Variants in COG6 observed in about 807,000 individuals in gnomAD.
COG6 encodes component of oligomeric golgi complex 6.
A neutral mutation model predicts 88.8 loss-of-function variants in COG6; 74 were observed. The ratio of observed to expected loss-of-function variants is 0.83; its 90% CI spans 0.69 to 1.01. The LOEUF (loss-of-function observed/expected upper bound fraction) is 1.01, where lower values mean the gene tolerates loss of function less well. Among genes scored for constraint, COG6 ranks in the 50% least tolerant of loss-of-function variants. COG6 has a pLI of 0.00. For synonymous variants in COG6, 286 were observed against 278.7 expected, an observed-to-expected ratio of 1.03 and a Z score of -0.26; for missense variants, 800 against 797.9, an observed-to-expected ratio of 1.00 and a Z score of -0.03.
At chr13:39,701,057 G>T (rs1877551160) in intron 13 of COG6, among the ~76,000 whole-genome samples, 1 of 151,848 alleles carries the variant, frequency 6.6e-6, no homozygotes, top group South Asian at 2.1e-4. Context: ...GGGAGGCTAG[G>T]TTGGAAATAG....
chr13:39,685,053 T>G (rs1876559466), intron 8 of COG6, among the ~76,000 whole-genome samples: 1 of 152,214 alleles, frequency 6.6e-6, no homozygotes, highest in Non-Finnish European at 1.5e-5. Flanking sequence ...TATGTATTTG[T>G]TGTGTTTCAA....
chr13:39,722,993 C>T (rs1878930573), intron 15 of COG6, among the ~76,000 whole-genome samples: 1 of 152,072 alleles, frequency 6.6e-6, no homozygotes, highest in African/African-American at 2.4e-5. Flanking sequence ...TCAGGAACAT[C>T]AGGCCCTTAT....
intron 4 of COG6, among the ~76,000 whole-genome samples, chr13:39,674,226 G>A (rs1338381662): frequency 1.1e-4 from 11 of 97,684 alleles, no homozygotes; most frequent in Non-Finnish European, 2.0e-4. Flanking sequence ...CCTACCCCAC[G>A]ACAGGCCCCG....
chr13:39,778,078 T>C (rs973929037), intron 18 of COG6, among the ~76,000 whole-genome samples: 1 of 152,228 alleles, frequency 6.6e-6, no homozygotes, highest in Non-Finnish European at 1.5e-5. Flanking sequence ...GTGCAGAAGT[T>C]ATCCTGTCTA....
chr13:39,738,657 A>C (rs2138118326), intron 18 of COG6, among the ~76,000 whole-genome samples: 1 of 152,316 alleles, frequency 6.6e-6, no homozygotes, highest in South Asian at 2.1e-4. Context: ...ATCTATAAAA[A>C]GTCCATTTTA....
chr13:39,667,064 G>C (rs1875318230), intron 4 of COG6, among the ~76,000 whole-genome samples: 1 of 152,098 alleles, frequency 6.6e-6, no homozygotes, highest in African/African-American at 2.4e-5. Flanking sequence ...ATTTTAGTGA[G>C]AGCAGTTTCA....
chr13:39,688,133 A>G (rs1209742696), intron 10 of COG6, among the ~76,000 whole-genome samples: 1 of 152,172 alleles, frequency 6.6e-6, no homozygotes, highest in Non-Finnish European at 1.5e-5. Context: ...TTAAAGGTAC[A>G]GGGTGATATT....
At chr13:39,725,890 C>A (rs181228367) in intron 17 of COG6, among the ~76,000 whole-genome samples, 24 of 152,032 alleles carry the variant, frequency 1.6e-4, no homozygotes, top group African/African-American at 5.8e-4. Context: ...TCTATGCTCA[C>A]ACTTAGATCT....
intron 13 of COG6, among the ~76,000 whole-genome samples, chr13:39,706,232 C>T (rs1877891824): frequency 3.9e-5 from 2 of 51,662 alleles, no homozygotes; most frequent in South Asian, 1.0e-3. Flanking sequence ...TATATATACT[C>T]CTTTATATAT....
At chr13:39,661,911 G>A (rs1874919252) in intron 3 of COG6, among the ~76,000 whole-genome samples, 1 of 150,730 alleles carries the variant, frequency 6.6e-6, no homozygotes, top group Non-Finnish European at 1.5e-5. Context: ...TTGTACTTTT[G>A]TGTTTTTTAA....
At chr13:39,670,891 A>G (rs918217052) in intron 4 of COG6, among the ~76,000 whole-genome samples, 2 of 152,110 alleles carry the variant, frequency 1.3e-5, no homozygotes, top group African/African-American at 4.8e-5. Flanking sequence ...AATTGGTAGC[A>G]TAAAAATATA....
intron 5 of COG6, chr13:39,678,294 A>AC (rs1876097292): frequency 3.3e-6 from 1 of 301,842 alleles, no homozygotes; most frequent in Non-Finnish European, 6.4e-6. Context: ...GGCTGGTCTT[A>AC]AACTCCTGAG....
Position 39,660,900 on chromosome 13 carries a change from AT to A in COG6, c.369+23del. 1 of 1,455,982 alleles carries A rather than the reference AT, an allele frequency of 6.9e-7. No homozygotes were observed. The highest frequency in any genetic ancestry group is 9.6e-7 in the Non-Finnish European group (1 of 1,038,164). 90.2% of individuals were successfully genotyped at this position (1,455,982 alleles called of 1,614,324 possible). A position where few individuals can be genotyped will look rare whatever the true frequency, so the allele number is the denominator to read the frequency against. On this transcript the variant is annotated intron_variant, in intron 3 of 18. Transcript: ENST00000455146. ...CCTACAGGTATTATATAATGGCTAG[AT>A]TTTGGCATAGTTCCTGATATAAACT...
chr13:39,687,919 C>A, intron 10 of COG6, 120 bp downstream of exon 10: 1 of 727,682 alleles, frequency 1.4e-6, no homozygotes, highest in Non-Finnish European at 2.4e-6. Context: ...CAATAAGCAT[C>A]CTGATTACTC....
At chr13:39,755,802 T>G (rs556827574), downstream of COG6, among the ~76,000 whole-genome samples, 153 of 152,354 alleles carry the variant, frequency 1.0e-3, no homozygotes, top group African/African-American at 3.5e-3. Context: ...AGCAATTTTT[T>G]GGTTTAGGCA....
chr13:39,789,911 C>G (rs947360738), exon 19 of COG6: 1 of 151,884 alleles, frequency 6.6e-6, no homozygotes, highest in Non-Finnish European at 1.5e-5. Flanking sequence ...TTTGTGGCAC[C>G]AAAACTATTT....
chr13:39,671,640 C>T (rs547690250), intron 4 of COG6, among the ~76,000 whole-genome samples: 3 of 151,990 alleles, frequency 2.0e-5, no homozygotes, highest in African/African-American at 7.2e-5. Context: ...TTTAGGCTAT[C>T]ATGTATGTGT....
intron 1 of COG6, 155 bp downstream of exon 1, chr13:39,656,034 C>T: frequency 2.0e-6 from 2 of 996,582 alleles, no homozygotes; most frequent in Non-Finnish European, 3.1e-6. Flanking sequence ...GCTCTGCGGG[C>T]GCCGGGGGCG....
rs547571492 is a variant in COG6, at chr13:39,746,239, A to G, written c.1827-4707A>G. Among the ~76,000 whole-genome samples, 14 of 152,200 alleles carry G rather than the reference A, an allele frequency of 9.2e-5. No homozygotes were observed. In the South Asian group the frequency reaches 1.5e-3, roughly 16 times the overall value. ...CTAGAACTTAAAGTATCATTAAAAAAAAAAAAAGTTACTTCCCCCTTTCAA... is the reference window on the plus strand; with the variant it reads ...CTAGAACTTAAAGTATCATTAAAAAGAAAAAAAGTTACTTCCCCCTTTCAA... On this transcript the variant is annotated intron_variant, in intron 18 of 18. Coordinates refer to ENST00000455146, the MANE Select transcript of COG6 (RefSeq NM_020751.3).
Sources: gnomAD v4.1 joint callset for allele counts (sites outside exome capture counted in the v4.1 genomes callset) on GRCh38, gnomAD v4.1.1 for gene constraint, MANE v1.5 for transcripts, NCBI Gene and HGNC (gene_info 2026-07-23, HGNC 2026-07-21) for gene names.